The following CCDC85A variants were observed in gnomAD, a reference collection of about 807,000 sequenced individuals.
CCDC85A encodes the protein coiled-coil domain-containing protein 85A.
Under a neutral mutation model 50.2 loss-of-function variants are expected in CCDC85A, and 38 were observed. The ratio of observed to expected loss-of-function variants is 0.76; its 90% CI spans 0.58 to 0.99. The LOEUF (loss-of-function observed/expected upper bound fraction) is 0.99, where lower values mean the gene tolerates loss of function less well. CCDC85A is among the 50% of genes least tolerant of loss of function. The pLI is 0.00. For missense variants in CCDC85A, 820 were observed against 742.0 expected (o/e 1.11, Z -1.22); for synonymous variants, 366 against 301.4 (o/e 1.21, Z -2.22).
At chr2:56,268,884 T>A (rs1424193840) in intron 2 of CCDC85A, among the ~76,000 whole-genome samples, 1 of 152,152 alleles carries the variant, frequency 6.6e-6, no homozygotes, top group African/African-American at 2.4e-5. Context: ...GAGCTTTTTT[T>A]GTTATTGTTA....
At chr2:56,236,779 A>G (rs764032419) in intron 2 of CCDC85A, among the ~76,000 whole-genome samples, 10 of 152,072 alleles carry the variant, frequency 6.6e-5, no homozygotes, top group Admixed American at 2.6e-4. Context: ...CTTCTTCATC[A>G]TTTTGGCCTC....
intron 2 of CCDC85A, among the ~76,000 whole-genome samples, chr2:56,263,357 G>GAGAC (rs1324046037): frequency 1.3e-5 from 2 of 152,176 alleles, no homozygotes; most frequent in Non-Finnish European, 2.9e-5. Context: ...TGAATGCTTG[G>GAGAC]AGACAGGTAG....
In CCDC85A at chr2:56,239,031, A is replaced by C. The variant is rs1669143561; in HGVS notation, c.1240+45591A>C. Among the ~76,000 whole-genome samples the C allele has an allele frequency of 2.0e-5, 3 of 152,280 alleles. No homozygotes were observed. In the South Asian group the frequency reaches 6.2e-4, roughly 32 times the overall value. On this transcript the variant is annotated intron_variant, in intron 2 of 5. Coordinates refer to ENST00000407595, the MANE Select transcript of CCDC85A (RefSeq NM_001080433.2). ...TGTTATAATTAAGAATTTCTTTGGC[A>C]GCTGAAAATAAATGCAAAGAAGCTT... is the stretch of plus-strand genomic sequence containing the variant.
intron 2 of CCDC85A, among the ~76,000 whole-genome samples, chr2:56,320,467 G>A (rs1324626920): frequency 7.9e-5 from 12 of 152,064 alleles, no homozygotes; most frequent in East Asian, 1.9e-4. Context: ...TATCACCACC[G>A]ATCCCACAGA....
chr2:56,253,451 A>C (rs1279719290), intron 2 of CCDC85A, among the ~76,000 whole-genome samples: 1 of 152,162 alleles, frequency 6.6e-6, no homozygotes, highest in African/African-American at 2.4e-5. Flanking sequence ...TGGAAAGAGA[A>C]GGGCTCCTAG....
At chr2:56,254,228 C>T (rs1350959924) in intron 2 of CCDC85A, among the ~76,000 whole-genome samples, 4 of 151,852 alleles carry the variant, frequency 2.6e-5, no homozygotes, top group African/African-American at 9.7e-5. Context: ...AAAATTAATA[C>T]CTACCTCCTG....
intron 2 of CCDC85A, among the ~76,000 whole-genome samples, chr2:56,235,894 G>A (rs1262733357): frequency 2.0e-5 from 3 of 152,132 alleles, no homozygotes; most frequent in African/African-American, 7.2e-5. Flanking sequence ...TCTCTTTCAG[G>A]CTAAGAGAAT....
intron 2 of CCDC85A, among the ~76,000 whole-genome samples, chr2:56,326,069 A>C (rs1433248309): frequency 1.3e-5 from 2 of 152,114 alleles, no homozygotes; most frequent in African/African-American, 4.8e-5. Context: ...AATTCTTTGA[A>C]ACTTGCTTAA....
At chr2:56,197,318 C>A (rs1401618778) in intron 2 of CCDC85A, among the ~76,000 whole-genome samples, 1 of 151,314 alleles carries the variant, frequency 6.6e-6, no homozygotes, top group Admixed American at 6.6e-5. Flanking sequence ...CTCTGAGCAT[C>A]CCCCTAGTTG....
intron 3 of CCDC85A, among the ~76,000 whole-genome samples, chr2:56,358,728 A>T (rs918400989): frequency 2.0e-5 from 3 of 152,042 alleles, no homozygotes; most frequent in Non-Finnish European, 2.9e-5. Context: ...CCTGCTTTAC[A>T]CTAAAATAAT....
intron 2 of CCDC85A, among the ~76,000 whole-genome samples, chr2:56,263,668 C>T (rs17047732): frequency 0.026 from 3,903 of 152,224 alleles, 144 homozygotes; most frequent in African/African-American, 0.085. Context: ...AGTGGGATGA[C>T]GTAGACACTT....
chr2:56,219,100 A>AT (rs944896794), intron 2 of CCDC85A, among the ~76,000 whole-genome samples: 1 of 150,146 alleles, frequency 6.7e-6, no homozygotes, highest in Non-Finnish European at 1.5e-5. Context: ...TGTATATACT[A>AT]TTTTTTGTCT....
intron 2 of CCDC85A, among the ~76,000 whole-genome samples, chr2:56,224,481 T>G (rs1668460263): frequency 6.6e-6 from 1 of 152,144 alleles, no homozygotes; most frequent in Non-Finnish European, 1.5e-5. Flanking sequence ...GAGTGGAATG[T>G]CAACATGTGG....
intron 2 of CCDC85A, among the ~76,000 whole-genome samples, chr2:56,295,945 A>C (rs535204758): frequency 2.0e-5 from 3 of 152,230 alleles, no homozygotes; most frequent in African/African-American, 4.8e-5. Flanking sequence ...AGGTTTTTCT[A>C]CGACTTTCTA....
chr2:56,196,002 T>C (rs1224139679), intron 2 of CCDC85A, among the ~76,000 whole-genome samples: 2 of 152,296 alleles, frequency 1.3e-5, no homozygotes, highest in East Asian at 3.9e-4. Context: ...ATGACTGTTT[T>C]CGTTGACTGT....
intron 1 of CCDC85A, among the ~76,000 whole-genome samples, chr2:56,191,449 A>G (rs114624787): frequency 0.01 from 1,573 of 152,292 alleles, 27 homozygotes; most frequent in African/African-American, 0.036. Flanking sequence ...GGCAGAATCA[A>G]TGTACCTGGA....
Position 56,184,999 on chromosome 2 carries a change from G to C in CCDC85A, c.276+99G>C. 3 of 1,365,094 alleles carry C rather than the reference G, an allele frequency of 2.2e-6. No individual in the cohort carries two copies. The South Asian group carries it at 4.6e-5, about 21-fold the overall frequency. The allele number at this position is 1,365,094 out of a possible 1,614,324, so 84.6% of individuals were successfully genotyped here. A position where few individuals can be genotyped will look rare whatever the true frequency, so the allele number is the denominator to read the frequency against. The stretch of plus-strand genomic sequence containing the variant: ...AAACTTTCCCTCCCTCCCTCAACAG[G>C]TGACCCTCCCCTTCTCCCGGTCGGC... On this transcript the variant is annotated intron_variant, in intron 1 of 5. Transcript: ENST00000407595.
intron 2 of CCDC85A, among the ~76,000 whole-genome samples, chr2:56,276,438 C>T (rs746702337): frequency 9.2e-5 from 14 of 152,006 alleles, no homozygotes; most frequent in Admixed American, 2.0e-4. Flanking sequence ...TCCCACGTGT[C>T]GTAGGAGGAA....
At position 56,339,798 on chromosome 2, in the gene CCDC85A, A is replaced by G. The variant is rs141974117; in HGVS notation, c.1241-3081A>G. On this transcript the variant is annotated intron_variant, in intron 2 of 5. Coordinates refer to ENST00000407595, the MANE Select transcript of CCDC85A (RefSeq NM_001080433.2). ...CTTGCAAAACAGTGTAAATCAGGCA[A>G]TCTACATTCACATCTTGATGATCTG... Among the ~76,000 whole-genome samples the G allele has an allele frequency of 1.1e-3, 172 of 152,274 alleles. 1 individual carries two copies. Among genetic ancestry groups the G allele is most frequent in the African/African-American group, 3.8e-3 (158 of 41,546 alleles).
Sources: gnomAD v4.1 joint callset for allele counts (sites outside exome capture counted in the v4.1 genomes callset) on GRCh38, gnomAD v4.1.1 for gene constraint, MANE v1.5 for transcripts, NCBI Gene and HGNC (gene_info 2026-07-23, HGNC 2026-07-21) for gene names.